SPHKAP: variants seen among roughly 807,000 people sequenced by gnomAD.
SPHKAP encodes SPHK1 interactor, AKAP domain containing, also known as A-kinase anchor protein SPHKAP.
SPHKAP carries 67 observed loss-of-function variants against 137.5 expected under a neutral mutation model. That is an observed-to-expected ratio of 0.49 (90% CI 0.40 to 0.60). The LOEUF (loss-of-function observed/expected upper bound fraction) is 0.60. SPHKAP is among the 20% of genes least tolerant of loss of function. The probability of loss-of-function intolerance (pLI) is 0.00; values close to 1 mark genes in which losing one functional copy is unlikely to be tolerated. For synonymous variants in SPHKAP, 813 were observed against 785.3 expected (o/e 1.04, Z -0.59); for missense variants, 2,097 against 2,069.3 (o/e 1.01, Z -0.26).
At chr2:227,982,008 T>C (rs1693014551) in intron 11 of SPHKAP, 148 bp from the exon 12 acceptor site, 1 of 1,315,822 alleles carries the variant, frequency 7.6e-7, no homozygotes, top group African/African-American at 1.5e-5. Flanking sequence ...TAATCTATTT[T>C]CTTTTTAAGA....
chr2:228,026,352 G>C (rs1172267610), intron 4 of SPHKAP, among the ~76,000 whole-genome samples: 1 of 152,120 alleles, frequency 6.6e-6, no homozygotes, highest in Non-Finnish European at 1.5e-5. Flanking sequence ...TTTACTCTGT[G>C]TACTAAGCAC....
At chr2:228,054,644 A>G (rs1432850153) in intron 3 of SPHKAP, among the ~76,000 whole-genome samples, 1 of 152,140 alleles carries the variant, frequency 6.6e-6, no homozygotes. Flanking sequence ...GAATTTCTAA[A>G]AGTGGGACTT....
rs753093272 is a variant in SPHKAP at position 228,017,253 on chromosome 2, C to T, written c.3601G>A (p.Asp1201Asn). Reference protein sequence around the residue: ...TEEFYRYMLRDIERDSRESAS... With the variant: ...TEEFYRYMLRNIERDSRESAS... ...CTTTCTCTGCTGTCTCTTTCGATGT[C>T]CCTCAGCATGTACCTGTAGAACTCC... is the stretch of plus-strand genomic sequence containing the variant. Residue 1201 changes from aspartate (D) to asparagine (N), a missense_variant, in exon 7 of 12, where the codon GAC becomes AAC. By Grantham distance (23) the Asp-to-Asn change is conservative. Transcript: ENST00000392056. 3.7e-6 allele frequency: 6 copies of T among 1,613,894 alleles called. No individual in the cohort carries two copies. The highest frequency in any genetic ancestry group is 1.3e-5 in the African/African-American group (1 of 74,902).
chr2:228,033,885 TA>T (rs1357272890), intron 3 of SPHKAP, among the ~76,000 whole-genome samples: 2 of 152,188 alleles, frequency 1.3e-5, no homozygotes, highest in Non-Finnish European at 2.9e-5. Context: ...AAGAAGTATG[TA>T]GAGGGAAATT....
chr2:228,069,615 A>G (rs937697775), intron 3 of SPHKAP, among the ~76,000 whole-genome samples: 7 of 149,180 alleles, frequency 4.7e-5, no homozygotes, highest in African/African-American at 1.8e-4. Flanking sequence ...TTTTTTTTCT[A>G]AGAAAAACAT....
intron 1 of SPHKAP, among the ~76,000 whole-genome samples, chr2:228,140,139 G>A (rs1574887307): frequency 6.6e-6 from 1 of 151,348 alleles, no homozygotes; most frequent in Admixed American, 6.6e-5. Flanking sequence ...GAAACATGGG[G>A]TTTCACCATG....
chr2:228,134,104 G>A (rs538869235), intron 1 of SPHKAP, among the ~76,000 whole-genome samples: 2 of 130,510 alleles, frequency 1.5e-5, no homozygotes, highest in South Asian at 5.0e-4. Context: ...AAGAAAGGAA[G>A]GAAGGAAGGG....
rs561269714 is a variant in SPHKAP at position 228,170,956 on chromosome 2, T to C, written c.32+10611A>G. Among the ~76,000 whole-genome samples the C allele has an allele frequency of 5.3e-5, 8 of 152,236 alleles. No homozygotes were observed. The South Asian group carries it at 1.5e-3, about 28-fold the overall frequency. On this transcript the variant is annotated intron_variant, in intron 1 of 11. Transcript: ENST00000392056. ...AAATTATAATAAGAGGTCAATATCA[T>C]GGTTAACAACAACACAGATACTCAG...
At chr2:228,175,543 G>T (rs1559215905) in intron 1 of SPHKAP, among the ~76,000 whole-genome samples, 1 of 151,946 alleles carries the variant, frequency 6.6e-6, no homozygotes, top group Admixed American at 6.6e-5. Flanking sequence ...TTAAACAAAA[G>T]ATAAATAATG....
At chr2:228,006,535 C>A (rs1694143513) in intron 7 of SPHKAP, among the ~76,000 whole-genome samples, 1 of 152,194 alleles carries the variant, frequency 6.6e-6, no homozygotes, top group Non-Finnish European at 1.5e-5. Context: ...CTTCTTCTCT[C>A]ATCTCGTCAA....
chr2:228,019,526 G>A lies in SPHKAP; in HGVS notation c.1328C>T (p.Ser443Leu), dbSNP rs761401805. ...GACGATTTTGGGGAGCTCATTCCAT[G>A]ACCGAGAAACCACTGTATCTTTTGT... ...YSTKDTVVSRSWNELPKIVVV... is the reference protein window; with the variant it reads ...YSTKDTVVSRLWNELPKIVVV... The change falls in exon 7 of 12, where the codon TCA becomes TTA. Residue 443 changes from serine to leucine, a missense_variant. Coordinates refer to ENST00000392056, the MANE Select transcript of SPHKAP (RefSeq NM_001142644.2). 6.2e-7 allele frequency: 1 copy of A among 1,614,178 alleles called. No homozygotes were observed. Among genetic ancestry groups the A allele is most frequent in the South Asian group, 1.1e-5 (1 of 91,066 alleles).
At chr2:228,134,003 T>C (rs998401856) in intron 1 of SPHKAP, among the ~76,000 whole-genome samples, 1 of 151,734 alleles carries the variant, frequency 6.6e-6, no homozygotes, top group African/African-American at 2.4e-5. Context: ...ACACCCATAT[T>C]ATCTTTGCTT....
intron 7 of SPHKAP, among the ~76,000 whole-genome samples, chr2:228,016,128 ACT>A (rs1163266552): frequency 6.6e-6 from 1 of 151,838 alleles, no homozygotes; most frequent in Non-Finnish European, 1.5e-5. Flanking sequence ...TTTACTTTCA[ACT>A]CTCTATCATA....
chr2:228,050,487 A>G (rs1358645488), intron 3 of SPHKAP, among the ~76,000 whole-genome samples: 1 of 152,204 alleles, frequency 6.6e-6, no homozygotes, highest in Non-Finnish European at 1.5e-5. Context: ...GTGCTCATCA[A>G]TGGTGGATTT....
rs558758694 is a variant in SPHKAP at position 228,016,378 on chromosome 2, C to T, written c.4448+28G>A. On this transcript the variant is annotated intron_variant, in intron 7 of 11. Coordinates refer to ENST00000392056, the MANE Select transcript of SPHKAP (RefSeq NM_001142644.2). ...AGACGCAAACTCCAGTCACATGCAC[C>T]CTATGTAGTCTGAGACGATTCACTC... is the stretch of plus-strand genomic sequence containing the variant. The T allele has an allele frequency of 1.4e-4, 212 of 1,544,428 alleles. 1 individual carries two copies. In the South Asian group the frequency reaches 2.5e-3, roughly 18 times the overall value.
intron 7 of SPHKAP, among the ~76,000 whole-genome samples, chr2:228,008,125 ATCTCTTCTCAT>A (rs1197832633): frequency 6.6e-6 from 1 of 152,100 alleles, no homozygotes; most frequent in Non-Finnish European, 1.5e-5. Flanking sequence ...TCTGTGGCTT[ATCTCTTCTCAT>A]TCTCTTGTCA....
chr2:228,140,049 A>T (rs1016064044), intron 1 of SPHKAP, among the ~76,000 whole-genome samples: 1 of 151,338 alleles, frequency 6.6e-6, no homozygotes, highest in African/African-American at 2.4e-5. Context: ...GGTTCAAGTG[A>T]TTCTCCTGAC....
At chr2:228,125,675 C>A (rs1699056204) in intron 2 of SPHKAP, among the ~76,000 whole-genome samples, 1 of 152,116 alleles carries the variant, frequency 6.6e-6, no homozygotes, top group South Asian at 2.1e-4. Context: ...AGAATTTTCA[C>A]CTAGTTTTAA....
At chr2:228,011,383 A>G (rs1480075411) in intron 7 of SPHKAP, among the ~76,000 whole-genome samples, 3 of 152,188 alleles carry the variant, frequency 2.0e-5, no homozygotes. Flanking sequence ...GGTTTCCACT[A>G]GCCTTTAGAA....
Sources: allele counts gnomAD v4.1 joint callset (sites outside exome capture counted in the v4.1 genomes callset), GRCh38; gene constraint gnomAD v4.1.1; transcripts MANE v1.5; gene names NCBI Gene and HGNC (gene_info 2026-07-23, HGNC 2026-07-21).